Variants in DNAH5 observed in about 807,000 individuals in gnomAD.
DNAH5 encodes the protein dynein axonemal heavy chain 5, also known as axonemal beta dynein heavy chain 5.
Under a neutral mutation model 518.2 loss-of-function variants are expected in DNAH5, and 372 were observed. The ratio of observed to expected loss-of-function variants is 0.72; its 90% CI spans 0.66 to 0.78. The LOEUF is 0.78. Among genes scored for constraint, DNAH5 ranks in the 30% least tolerant of loss-of-function variants. The pLI is 0.00. For missense variants in DNAH5, 5,523 were observed against 5,687.0 expected, an observed-to-expected ratio of 0.97 and a Z score of 0.93; for synonymous variants, 2,039 against 2,025.9, an observed-to-expected ratio of 1.01 and a Z score of -0.17.
intron 1 of DNAH5, among the ~76,000 whole-genome samples, chr5:13,950,722 C>A (rs1469330562): frequency 6.6e-6 from 1 of 152,178 alleles, no homozygotes; most frequent in African/African-American, 2.4e-5. Context: ...TTTCTGGCAT[C>A]CTGCTTTTGG....
chr5:13,802,397 T>A (rs1460686810), intron 47 of DNAH5, among the ~76,000 whole-genome samples: 1 of 152,194 alleles, frequency 6.6e-6, no homozygotes, highest in African/African-American at 2.4e-5. Context: ...AATTAATTTC[T>A]CAATAGACAA....
intron 9 of DNAH5, among the ~76,000 whole-genome samples, chr5:13,916,115 A>G (rs1453242909): frequency 1.3e-5 from 2 of 151,618 alleles, no homozygotes; most frequent in Non-Finnish European, 2.9e-5. Flanking sequence ...TTTGTATTAT[A>G]TAAATAATAA....
chr5:13,929,263 T>C (rs963799985), intron 2 of DNAH5, among the ~76,000 whole-genome samples: 1 of 152,176 alleles, frequency 6.6e-6, no homozygotes, highest in Non-Finnish European at 1.5e-5. Flanking sequence ...ACTCCACTTG[T>C]GTGAGGTACC....
At chr5:14,010,384 A>G (rs898514125) in intron 1 of DNAH5, among the ~76,000 whole-genome samples, 2 of 152,358 alleles carry the variant, frequency 1.3e-5, no homozygotes, top group Admixed American at 1.3e-4. Context: ...TTAATAAAAT[A>G]TAACAACCCA....
intron 61 of DNAH5, among the ~76,000 whole-genome samples, chr5:13,758,110 A>C (rs1364233579): frequency 6.6e-6 from 1 of 152,166 alleles, no homozygotes; most frequent in Non-Finnish European, 1.5e-5. Flanking sequence ...TTAAAGTAAA[A>C]AAAAAAAAGT....
intron 1 of DNAH5, among the ~76,000 whole-genome samples, chr5:14,000,194 G>T (rs1318490717): frequency 6.6e-6 from 1 of 152,204 alleles, no homozygotes; most frequent in Non-Finnish European, 1.5e-5. Flanking sequence ...CTTCTGAAAA[G>T]AGGGAAGTTG....
intron 1 of DNAH5, among the ~76,000 whole-genome samples, chr5:13,932,948 C>T (rs147400810): frequency 2.0e-5 from 3 of 152,300 alleles, no homozygotes; most frequent in Non-Finnish European, 4.4e-5. Flanking sequence ...CAATTTAGCA[C>T]GATGACTTTA....
In DNAH5 at chr5:13,786,246, T is replaced by C; in HGVS notation, c.8753A>G (p.Asn2918Ser). The C allele has an allele frequency of 6.2e-7, 1 of 1,614,074 alleles. No homozygotes were observed. The highest frequency in any genetic ancestry group is 8.5e-7 in the Non-Finnish European group (1 of 1,179,992). The change falls in exon 52 of 79, where the codon AAT (asparagine) becomes AGT (serine). Residue 2918 changes from asparagine (N) to serine (S), a missense_variant. By Grantham distance (46) the Asn-to-Ser change is conservative. Around this residue, in one of 3 missense-constraint regions of DNAH5, gnomAD observed 5,121 missense variants for 5,223.3 expected, o/e 0.98. Transcript: ENST00000265104. ...CATGCCGGCGCCACGGATGCTCTCA[T>C]TATAGAGCTGCAGGAACATATTCAG... The part of the protein sequence containing the change: ...ERLNMFLQLY[N>S]ESIRGAGMDM...
chr5:13,905,928 G>C (rs1018782808), intron 12 of DNAH5, among the ~76,000 whole-genome samples: 1 of 152,162 alleles, frequency 6.6e-6, no homozygotes, highest in South Asian at 2.1e-4. Context: ...CTGAATAATG[G>C]AATGTTATTC....
At chr5:13,810,849 G>T (rs1760592412) in intron 44 of DNAH5, among the ~76,000 whole-genome samples, 1 of 152,030 alleles carries the variant, frequency 6.6e-6, no homozygotes. Context: ...ATCAACAGAT[G>T]AATGGATAAA....
chr5:13,753,326 A>G lies in DNAH5; in HGVS notation c.10779T>C (p.Ile3593=), dbSNP rs2126700875. Residue 3593 remains isoleucine, a synonymous_variant, in exon 63 of 79, where the codon ATT becomes ATC. Coordinates refer to ENST00000265104, the MANE Select transcript of DNAH5 (RefSeq NM_001369.3). ...AAGGGTAACGAGATGCCTTCGTGAC[A>G]ATAATTCCATTTTGAATGGACAAGT... ...NDDLSIQNGI[I]VTKASRYPLL... is the part of the protein sequence containing the mutation. The G allele has an allele frequency of 1.2e-6, 2 of 1,614,004 alleles. No homozygotes were observed. The highest frequency in any genetic ancestry group is 1.7e-4 in the Middle Eastern group (1 of 6,058).
At chr5:13,882,680 G>T in intron 21 of DNAH5, 48 bp downstream of exon 21, 2 of 1,408,032 alleles carry the variant, frequency 1.4e-6, no homozygotes, top group South Asian at 2.3e-5. Context: ...TAAGCTCAAT[G>T]AATGTTGATT....
At chr5:13,796,081 A>G (rs1274347660) in intron 47 of DNAH5, among the ~76,000 whole-genome samples, 1 of 152,226 alleles carries the variant, frequency 6.6e-6, no homozygotes, top group Non-Finnish European at 1.5e-5. Context: ...TGACAAACCC[A>G]CAGCCAATAT....
chr5:13,947,841 G>A (rs963824117), upstream of DNAH5, among the ~76,000 whole-genome samples: 4 of 152,218 alleles, frequency 2.6e-5, no homozygotes, highest in African/African-American at 7.2e-5. Context: ...AGTTCAGTGG[G>A]ATGAGAGAGT....
intron 1 of DNAH5, among the ~76,000 whole-genome samples, chr5:13,999,911 C>G (rs896722303): frequency 2.6e-5 from 4 of 152,104 alleles, no homozygotes; most frequent in African/African-American, 9.7e-5. Context: ...GCGGTAACAC[C>G]TCATTGAGGG....
At chr5:13,712,117 AT>A (rs1423099604) in intron 75 of DNAH5, among the ~76,000 whole-genome samples, 9 of 152,242 alleles carry the variant, frequency 5.9e-5, no homozygotes, top group African/African-American at 1.2e-4. Flanking sequence ...TGGTATAAAA[AT>A]AGGCACATAG....
intron 52 of DNAH5, among the ~76,000 whole-genome samples, chr5:13,784,609 A>G (rs968110615): frequency 1.6e-4 from 24 of 152,212 alleles, no homozygotes; most frequent in Non-Finnish European, 2.9e-5. Flanking sequence ...GATAACCTCT[A>G]AAACCCCCTC....
At chr5:13,874,130 A>G (rs1770532089) in intron 22 of DNAH5, among the ~76,000 whole-genome samples, 1 of 152,152 alleles carries the variant, frequency 6.6e-6, no homozygotes, top group African/African-American at 2.4e-5. Flanking sequence ...GCCTATCCCA[A>G]CCACAAATGA....
chr5:13,920,955 G>A (rs1264325882), intron 5 of DNAH5, among the ~76,000 whole-genome samples: 1 of 149,828 alleles, frequency 6.7e-6, no homozygotes, highest in African/African-American at 2.5e-5. Flanking sequence ...AAAAAACACT[G>A]CTTTTTTAGA....
Sources: allele counts gnomAD v4.1 joint callset (sites outside exome capture counted in the v4.1 genomes callset), GRCh38; gene constraint gnomAD v4.1.1; regional missense constraint gnomAD v4.1.1; transcripts MANE v1.5; gene names NCBI Gene and HGNC (gene_info 2026-07-23, HGNC 2026-07-21).